Variants in PTPN12 observed in about 807,000 individuals in gnomAD.
The protein encoded by PTPN12 is protein tyrosine phosphatase non-receptor type 12.
A neutral mutation model predicts 97.6 loss-of-function variants in PTPN12; 29 were observed. The observed-to-expected ratio is 0.30, with a 90% CI of 0.22 to 0.41. The LOEUF is 0.41. Ranked by LOEUF, PTPN12 falls within the 10% of genes least tolerant of loss-of-function variation. The pLI, the probability that PTPN12 is intolerant of heterozygous loss-of-function variation, is 1.00. For missense variants in PTPN12, 819 were observed against 926.0 expected, an observed-to-expected ratio of 0.88 and a Z score of 1.50; for synonymous variants, 327 against 300.4, an observed-to-expected ratio of 1.09 and a Z score of -0.91.
Position 77,556,778 on chromosome 7 carries a change from C to T in PTPN12, c.100-14300C>T, listed in dbSNP as rs547055830. Among the ~76,000 whole-genome samples, 8 of 152,022 alleles carry T rather than the reference C, an allele frequency of 5.3e-5. No homozygotes were observed. The East Asian group carries it at 5.8e-4, about 11-fold the overall frequency. ...CCGGGAGGTGGAGGTTGCAGTGATC[C>T]GAGACCGCACCACTGCACTCCAGCC... is the stretch of plus-strand genomic sequence containing the variant. On this transcript the variant is annotated intron_variant, in intron 1 of 17. Transcript: ENST00000248594.
Position 77,627,360 on chromosome 7 carries a change from C to G in PTPN12, c.1681C>G (p.Gln561Glu). The G allele has an allele frequency of 6.2e-7, 1 of 1,614,076 alleles. No individual in the cohort carries two copies. Among genetic ancestry groups the G allele is most frequent in the Non-Finnish European group, 8.5e-7 (1 of 1,179,946 alleles). ...SEGNSSDINY[Q>E]TRKTVSLTPS... ...AGGCAATTCCTCAGATATCAACTAT[C>G]AAACTAGGAAAACTGTGAGTTTAAC... Residue 561 changes from glutamine to glutamate, a missense_variant, in exon 13 of 18, where the codon CAA becomes GAA. Coordinates refer to ENST00000248594, the MANE Select transcript of PTPN12 (RefSeq NM_002835.4).
At chr7:77,590,869 C>T (rs1003627669) in intron 5 of PTPN12, among the ~76,000 whole-genome samples, 50 of 150,260 alleles carry the variant, frequency 3.3e-4, no homozygotes, top group Non-Finnish European at 6.7e-4. Flanking sequence ...CGGCCTCCAT[C>T]TATTAAAAAA....
intron 13 of PTPN12, among the ~76,000 whole-genome samples, chr7:77,630,676 A>G (rs1789368405): frequency 6.6e-6 from 1 of 152,222 alleles, no homozygotes; most frequent in Admixed American, 6.5e-5. Flanking sequence ...ATACTTTTGT[A>G]TTGATACCTA....
chr7:77,627,396 A>C lies in PTPN12; in HGVS notation c.1717A>C (p.Thr573Pro). 6.2e-7 allele frequency: 1 copy of C among 1,613,926 alleles called. No homozygotes were observed. The highest frequency in any genetic ancestry group is 2.2e-5 in the East Asian group (1 of 44,874). Residue 573 changes from threonine to proline, a missense_variant, in exon 13 of 18, where the codon ACA becomes CCA. This residue lies in a region of PTPN12 where 607 missense variants were observed against 577.3 expected (regional missense o/e 1.05). Transcript: ENST00000248594. ...AACTGTGAGTTTAACACCAAGTCCT[A>C]CAACACAAGTTGAAACACCTGATCT... ...RKTVSLTPSPTTQVETPDLVD... is the reference protein window; with the variant it reads ...RKTVSLTPSPPTQVETPDLVD...
At chr7:77,570,473 G>C (rs1164715663) in intron 1 of PTPN12, among the ~76,000 whole-genome samples, 1 of 152,172 alleles carries the variant, frequency 6.6e-6, no homozygotes, top group African/African-American at 2.4e-5. Context: ...GTGTATTACT[G>C]ACACGCAGAA....
chr7:77,567,488 A>G (rs1808312367), intron 1 of PTPN12, among the ~76,000 whole-genome samples: 1 of 152,218 alleles, frequency 6.6e-6, no homozygotes, highest in Non-Finnish European at 1.5e-5. Context: ...CAAGCAAAGA[A>G]AAAGCATACA....
intron 11 of PTPN12, 115 bp from the exon 12 acceptor site, chr7:77,618,365 T>A (rs1371033778): frequency 9.1e-6 from 6 of 661,914 alleles, no homozygotes; most frequent in Non-Finnish European, 1.5e-5. Context: ...TTTTTTTAAC[T>A]TGGCAAAATT....
intron 1 of PTPN12, among the ~76,000 whole-genome samples, chr7:77,548,624 T>C (rs1425829968): frequency 6.6e-6 from 1 of 152,174 alleles, no homozygotes; most frequent in East Asian, 1.9e-4. Flanking sequence ...TTTTCAGTCT[T>C]AGGGAAAAAG....
chr7:77,628,342 T>C (rs186048874), intron 13 of PTPN12, among the ~76,000 whole-genome samples: 143 of 152,328 alleles, frequency 9.4e-4, no homozygotes, highest in African/African-American at 3.2e-3. Context: ...TCCCAAAGTG[T>C]ATTATTGCTT....
At position 77,550,797 on chromosome 7, in the gene PTPN12, A is replaced by G. The variant is rs577926468; in HGVS notation, c.99+13152A>G. ...ACTTTCTCGAAACACTCTCATAATA[A>G]GCAGATGTTGTCTTTCCTTGGCCCT... is the stretch of plus-strand genomic sequence containing the variant. On this transcript the variant is annotated intron_variant, in intron 1 of 17. Coordinates refer to ENST00000248594, the MANE Select transcript of PTPN12 (RefSeq NM_002835.4). 3.3e-5 allele frequency among the ~76,000 whole-genome samples: 5 copies of G among 152,366 alleles called. No individual in the cohort carries two copies. In the South Asian group the frequency reaches 1.0e-3, roughly 32 times the overall value.
In PTPN12 at chr7:77,632,367, T is replaced by C; in HGVS notation, c.2016T>C (p.Asp672=). ...GAEKDVDVSE[D]SPPPLPERTP... is the part of the protein sequence containing the mutation. ...ATTTAGATGTTGATGTTAGTGAAGA[T>C]TCACCTCCTCCCCTACCTGAAAGAA... The change falls in exon 14 of 18, where the codon GAT becomes GAC. Residue 672 remains aspartate, a synonymous_variant. Coordinates refer to ENST00000248594, the MANE Select transcript of PTPN12 (RefSeq NM_002835.4). The C allele has an allele frequency of 1.9e-6, 3 of 1,608,738 alleles. No homozygotes were observed. Among genetic ancestry groups the C allele is most frequent in the Non-Finnish European group, 2.6e-6 (3 of 1,175,188 alleles).
chr7:77,574,687 A>G (rs1787281648), intron 2 of PTPN12, among the ~76,000 whole-genome samples: 1 of 152,152 alleles, frequency 6.6e-6, no homozygotes, highest in Admixed American at 6.5e-5. Context: ...AAAATATATG[A>G]GTGTCAGCGT....
intron 8 of PTPN12, chr7:77,604,822 G>T: frequency 2.6e-6 from 1 of 384,940 alleles, no homozygotes; most frequent in Non-Finnish European, 5.3e-6. Flanking sequence ...TATCCACCTG[G>T]ATTTTTTATG....
chr7:77,612,305 T>C (rs1562749272), intron 11 of PTPN12, among the ~76,000 whole-genome samples: 2 of 152,252 alleles, frequency 1.3e-5, no homozygotes, highest in Non-Finnish European at 2.9e-5. Flanking sequence ...ATCGTTCTTA[T>C]TCCTTTATTA....
At chr7:77,626,598 C>A in intron 12 of PTPN12, 107 bp from the exon 13 acceptor site, 1 of 1,250,752 alleles carries the variant, frequency 8.0e-7, no homozygotes, top group Non-Finnish European at 1.1e-6. Context: ...TTTTTATTCG[C>A]AACCAGATTG....
intron 1 of PTPN12, among the ~76,000 whole-genome samples, chr7:77,555,914 CA>C (rs541364073): frequency 7.2e-4 from 102 of 142,476 alleles, no homozygotes; most frequent in Middle Eastern, 3.6e-3. Context: ...GACTCCGTCT[CA>C]AAAAAAAAAA....
At chr7:77,590,576 G>C (rs1163345680) in intron 5 of PTPN12, among the ~76,000 whole-genome samples, 1 of 140,268 alleles carries the variant, frequency 7.1e-6, no homozygotes, top group Non-Finnish European at 1.6e-5. Context: ...TTTTTTTTGT[G>C]GGGAGAGACA....
intron 1 of PTPN12, among the ~76,000 whole-genome samples, chr7:77,550,154 C>T (rs1373311832): frequency 6.6e-6 from 1 of 152,148 alleles, no homozygotes; most frequent in East Asian, 1.9e-4. Flanking sequence ...TTTGCCTACT[C>T]ACCTTTCTCT....
intron 5 of PTPN12, among the ~76,000 whole-genome samples, chr7:77,589,643 A>G (rs115407398): frequency 0.019 from 2,837 of 152,244 alleles, 76 homozygotes; most frequent in African/African-American, 0.064. Context: ...ACTCCCAACT[A>G]TTTCCTATGT....
Sources: gnomAD v4.1 joint callset for allele counts (sites outside exome capture counted in the v4.1 genomes callset) on GRCh38, gnomAD v4.1.1 for gene constraint, gnomAD v4.1.1 regional missense constraint, MANE v1.5 for transcripts, NCBI Gene and HGNC (gene_info 2026-07-23, HGNC 2026-07-21) for gene names.